Variants in PCOLCE2 observed in about 807,000 individuals in gnomAD.
The protein encoded by PCOLCE2 is procollagen C-proteinase enhancer 2.
Under a neutral mutation model 47.0 loss-of-function variants are expected in PCOLCE2, and 42 were observed. The ratio of observed to expected loss-of-function variants is 0.89; its 90% CI spans 0.70 to 1.16. PCOLCE2 has a LOEUF of 1.16. Among genes scored for constraint, PCOLCE2 ranks in the 50% most tolerant of loss-of-function variants. The pLI is 0.00. For missense variants in PCOLCE2, 500 were observed against 526.1 expected, an observed-to-expected ratio of 0.95 and a Z score of 0.49; for synonymous variants, 169 against 191.7, an observed-to-expected ratio of 0.88 and a Z score of 0.98.
chr3:142,852,103 C>T (rs1932950985), intron 2 of PCOLCE2, among the ~76,000 whole-genome samples: 1 of 152,246 alleles, frequency 6.6e-6, no homozygotes, highest in Admixed American at 6.5e-5. Context: ...CAGAGGTGAT[C>T]TGTACCAGTG....
chr3:142,888,559 T>C (rs1163702124), intron 1 of PCOLCE2: 4 of 392,722 alleles, frequency 1.0e-5, no homozygotes, highest in Non-Finnish European at 1.8e-5. Context: ...CGCCACGTGG[T>C]GGCCAAGCCA....
chr3:142,820,116 T>G (rs921228680), intron 8 of PCOLCE2, among the ~76,000 whole-genome samples: 1 of 152,002 alleles, frequency 6.6e-6, no homozygotes, highest in Non-Finnish European at 1.5e-5. Flanking sequence ...AATTTTTTTT[T>G]TTTTTATAGA....
At chr3:142,844,308 C>A (rs1937300086) in intron 3 of PCOLCE2, among the ~76,000 whole-genome samples, 1 of 152,184 alleles carries the variant, frequency 6.6e-6, no homozygotes. Context: ...AATTTGTTTA[C>A]CCATTCTCCT....
At chr3:142,827,035 A>G (rs1010842155) in intron 6 of PCOLCE2, 29 of 857,992 alleles carry the variant, frequency 3.4e-5, no homozygotes, top group Middle Eastern at 3.5e-4. Flanking sequence ...TCAACTATCT[A>G]TATATTGATG....
intron 2 of PCOLCE2, among the ~76,000 whole-genome samples, chr3:142,881,472 G>C (rs759536824): frequency 1.2e-4 from 19 of 152,020 alleles, no homozygotes; most frequent in Non-Finnish European, 2.2e-4. Flanking sequence ...TTTAATGATG[G>C]AGATATATTC....
chr3:142,853,968 AC>A (rs1933008597), intron 2 of PCOLCE2, among the ~76,000 whole-genome samples: 1 of 152,224 alleles, frequency 6.6e-6, no homozygotes, highest in East Asian at 1.9e-4. Context: ...CCTCACTGTC[AC>A]AAGCAAACGT....
At chr3:142,864,179 T>C (rs1933237615) in intron 2 of PCOLCE2, 1 of 152,204 alleles carries the variant, frequency 6.6e-6, no homozygotes, top group South Asian at 2.1e-4. Context: ...CGACCTGGTA[T>C]ACTGCAAAGC....
At chr3:142,825,744 A>G (rs1000617673) in intron 6 of PCOLCE2, among the ~76,000 whole-genome samples, 9 of 151,612 alleles carry the variant, frequency 5.9e-5, no homozygotes, top group Non-Finnish European at 1.3e-4. Flanking sequence ...TTTCATTTCC[A>G]TGGTCCATTA....
chr3:142,836,968 AG>A, intron 5 of PCOLCE2, among the ~76,000 whole-genome samples: 1 of 152,310 alleles, frequency 6.6e-6, no homozygotes, highest in South Asian at 2.1e-4. Flanking sequence ...TATAAGGCAA[AG>A]GGGCTTTGCA....
intron 2 of PCOLCE2, among the ~76,000 whole-genome samples, chr3:142,882,193 C>A (rs57088014): frequency 3.6e-3 from 434 of 119,678 alleles, no homozygotes; most frequent in African/African-American, 0.011. Context: ...CCACTCCTGG[C>A]TAATTTAAAA....
At chr3:142,821,833 C>T (rs1003299696) in intron 7 of PCOLCE2, among the ~76,000 whole-genome samples, 6 of 151,792 alleles carry the variant, frequency 4.0e-5, no homozygotes, top group African/African-American at 1.5e-4. Context: ...GTCTTTCTCA[C>T]GGGGGTGCGC....
intron 2 of PCOLCE2, among the ~76,000 whole-genome samples, chr3:142,869,930 G>A (rs771751948): frequency 3.3e-5 from 5 of 152,162 alleles, no homozygotes; most frequent in Admixed American, 3.3e-4. Flanking sequence ...ATTTGGTTCA[G>A]AATAAATCTC....
chr3:142,861,773 T>C (rs545572083), intron 2 of PCOLCE2, among the ~76,000 whole-genome samples: 1 of 152,306 alleles, frequency 6.6e-6, no homozygotes, highest in Non-Finnish European at 1.5e-5. Flanking sequence ...AGAACTGAGG[T>C]GAGGCTGACT....
At chr3:142,841,811 A>ACT (rs1937266463) in intron 4 of PCOLCE2, among the ~76,000 whole-genome samples, 1 of 152,196 alleles carries the variant, frequency 6.6e-6, no homozygotes, top group African/African-American at 2.4e-5. Context: ...TTTTAAAAAC[A>ACT]GTATCATAAT....
In PCOLCE2 at chr3:142,849,315, G is replaced by A. The variant is rs78554801; in HGVS notation, c.193-843C>T. On this transcript the variant is annotated intron_variant, in intron 2 of 8. Coordinates refer to ENST00000295992, the MANE Select transcript of PCOLCE2 (RefSeq NM_013363.4). Reference sequence around the variant, plus strand: ...TCCTGAAACATCCAGATGAACTACCGATACTGACTAAATGAACTGAGTAAT... The same window carrying A: ...TCCTGAAACATCCAGATGAACTACCAATACTGACTAAATGAACTGAGTAAT... 5.9e-5 allele frequency among the ~76,000 whole-genome samples: 9 copies of A among 152,258 alleles called. No homozygotes were observed. The East Asian group carries it at 1.5e-3, about 26-fold the overall frequency.
intron 5 of PCOLCE2, among the ~76,000 whole-genome samples, chr3:142,833,165 G>C (rs1020908774): frequency 4.6e-5 from 7 of 152,088 alleles, no homozygotes; most frequent in Non-Finnish European, 1.0e-4. Flanking sequence ...AAATGAAAGG[G>C]TACAGTGTGC....
chr3:142,868,009 C>T (rs1933316043), intron 2 of PCOLCE2, among the ~76,000 whole-genome samples: 1 of 152,078 alleles, frequency 6.6e-6, no homozygotes, highest in Non-Finnish European at 1.5e-5. Flanking sequence ...ATAAACTCTT[C>T]CCAAATAAAC....
intron 2 of PCOLCE2, among the ~76,000 whole-genome samples, chr3:142,867,037 A>G (rs1933298265): frequency 6.6e-6 from 1 of 152,192 alleles, no homozygotes; most frequent in Non-Finnish European, 1.5e-5. Context: ...GCATAATAAA[A>G]GGTTAGGGTG....
chr3:142,827,699 G>C, intron 6 of PCOLCE2: 1 of 1,107,034 alleles, frequency 9.0e-7, no homozygotes, highest in East Asian at 2.4e-5. Flanking sequence ...CTTGGGGAGG[G>C]GCGCGCTGTG....
Sources: gnomAD v4.1 joint callset for allele counts (sites outside exome capture counted in the v4.1 genomes callset) on GRCh38, gnomAD v4.1.1 for gene constraint, MANE v1.5 for transcripts, NCBI Gene and HGNC (gene_info 2026-07-23, HGNC 2026-07-21) for gene names.